WDR35: variants seen among roughly 807,000 people sequenced by gnomAD.
WDR35 encodes the protein WD repeat-containing protein 35.
In WDR35, 118 loss-of-function variants were observed where a neutral mutation model predicts 158.3. The ratio of observed to expected loss-of-function variants is 0.75; its 90% confidence interval spans 0.64 to 0.87. The LOEUF (loss-of-function observed/expected upper bound fraction) is 0.87, where lower values mean the gene tolerates loss of function less well. WDR35 is among the 40% of genes least tolerant of loss of function. The pLI is 0.00. For synonymous variants in WDR35, 448 were observed against 476.1 expected, an observed-to-expected ratio of 0.94 and a Z score of 0.77; for missense variants, 1,263 against 1,405.8, an observed-to-expected ratio of 0.90 and a Z score of 1.62.
At chr2:19,969,696 T>C (rs1572357485) in intron 8 of WDR35, 91 bp from the exon 9 acceptor site, 3 of 1,371,186 alleles carry the variant, frequency 2.2e-6, no homozygotes, top group Admixed American at 2.1e-5. Flanking sequence ...AAAAGTGGTA[T>C]GAACATTATT....
rs1373849893 is a variant in WDR35 at position 19,982,510 on chromosome 2, G to A, written c.167C>T (p.Ala56Val). The change falls in exon 3 of 27, where the codon GCA (alanine) becomes GTA (valine). Residue 56 changes from alanine to valine, a missense_variant. Transcript: ENST00000281405. ...QTDDAKLRGL[A>V]APSNLSMNQT... The stretch of plus-strand genomic sequence containing the variant: ...ATTCATAGAAAGGTTACTGGGGGCT[G>A]CAAGGCCCCTCAATTTTGCATCATC... 3.7e-6 allele frequency: 6 copies of A among 1,613,784 alleles called. No individual in the cohort carries two copies. The highest frequency in any genetic ancestry group is 1.3e-5 in the African/African-American group (1 of 75,036).
chr2:19,974,673 AAC>A (rs1198660968), intron 6 of WDR35, 40 bp from the exon 7 acceptor site: 2 of 1,572,092 alleles, frequency 1.3e-6, no homozygotes, highest in African/African-American at 2.7e-5. Flanking sequence ...TACATTTTAA[AAC>A]ACAGCAGTAT....
chr2:19,948,616 G>GTT (rs1476156225), intron 13 of WDR35, among the ~76,000 whole-genome samples: 1 of 152,178 alleles, frequency 6.6e-6, no homozygotes, highest in East Asian at 1.9e-4. Context: ...TTGAGGAAAT[G>GTT]TAAGAAGGCA....
intron 23 of WDR35, among the ~76,000 whole-genome samples, chr2:19,931,864 A>G (rs1369426083): frequency 6.6e-6 from 1 of 152,162 alleles, no homozygotes; most frequent in Non-Finnish European, 1.5e-5. Context: ...GGAATAGAAT[A>G]GAAGGTAAAA....
chr2:19,935,570 C>T lies in WDR35; in HGVS notation c.2448G>A (p.Arg816=). ...LNAVQYYVQG[R]NQERLAECYY... is the part of the protein sequence containing the mutation. The stretch of plus-strand genomic sequence containing the variant: ...AACATTCAGCTAAGCGTTCCTGGTT[C>T]CGTCCTTGTACATAATATTGTACAG... The change falls in exon 21 of 27, where the codon CGG becomes CGA. Residue 816 remains arginine, a synonymous_variant. Transcript: ENST00000281405. The T allele has an allele frequency of 6.2e-7, 1 of 1,612,916 alleles. No homozygotes were observed. Among genetic ancestry groups the T allele is most frequent in the South Asian group, 1.1e-5 (1 of 91,034 alleles).
intron 10 of WDR35, among the ~76,000 whole-genome samples, chr2:19,962,705 G>A (rs544899822): frequency 6.6e-5 from 10 of 150,588 alleles, no homozygotes; most frequent in East Asian, 5.8e-4. Context: ...GATAACATAC[G>A]TCTACTATTA....
intron 1 of WDR35, 139 bp downstream of exon 1, chr2:19,989,853 C>T: frequency 4.2e-6 from 6 of 1,421,856 alleles, no homozygotes; most frequent in Non-Finnish European, 5.8e-6. Flanking sequence ...GAGGCTGGAC[C>T]CGGCGGGAAG....
At chr2:19,969,305 A>G (rs1671959349) in intron 9 of WDR35, among the ~76,000 whole-genome samples, 175 bp downstream of exon 9, 1 of 152,166 alleles carries the variant, frequency 6.6e-6, no homozygotes, top group Admixed American at 6.6e-5. Context: ...TCATGGAGTA[A>G]TTTTACTAAC....
chr2:19,943,783 T>C (rs1452143433), intron 16 of WDR35, among the ~76,000 whole-genome samples: 1 of 152,082 alleles, frequency 6.6e-6, no homozygotes, highest in Non-Finnish European at 1.5e-5. Flanking sequence ...AAGCAGGGAA[T>C]ATCAACATTA....
At chr2:19,960,459 C>T in intron 11 of WDR35, 95 bp downstream of exon 11, 1 of 1,011,210 alleles carries the variant, frequency 9.9e-7, no homozygotes, top group Middle Eastern at 2.3e-4. Context: ...TTTTAGAAAA[C>T]ACCATTCTAA....
chr2:19,927,676 G>A lies in WDR35; in HGVS notation c.3121+2720C>T, dbSNP rs182716801. Among the ~76,000 whole-genome samples the A allele has an allele frequency of 3.2e-4, 49 of 152,208 alleles. 1 individual carries two copies. In the Middle Eastern group the frequency reaches 0.01, roughly 32 times the overall value. On this transcript the variant is annotated intron_variant, in intron 25 of 26. Coordinates refer to ENST00000281405, the MANE Select transcript of WDR35 (RefSeq NM_020779.4). The stretch of plus-strand genomic sequence containing the variant: ...AAAATTTGGGAAAGAATAAAAAAGC[G>A]TCTAGAAGGACACTCTACAAACTTG...
At chr2:19,951,175 T>C (rs1458948336) in intron 13 of WDR35, among the ~76,000 whole-genome samples, 1 of 152,158 alleles carries the variant, frequency 6.6e-6, no homozygotes, top group African/African-American at 2.4e-5. Context: ...TTTCCAACAT[T>C]TTTAGATAAT....
At chr2:19,982,317 G>T in intron 3 of WDR35, 146 bp downstream of exon 3, 1 of 795,962 alleles carries the variant, frequency 1.3e-6, no homozygotes, top group Non-Finnish European at 2.1e-6. Flanking sequence ...TGGGTTTATT[G>T]GAACATATCC....
chr2:19,975,728 T>C, intron 5 of WDR35, 65 bp from the exon 6 acceptor site: 3 of 1,604,352 alleles, frequency 1.9e-6, no homozygotes, highest in African/African-American at 2.7e-5. Context: ...TTTCGAAATC[T>C]TTGTTTTTCT....
At chr2:19,953,208 C>T (rs947756676) in intron 12 of WDR35, among the ~76,000 whole-genome samples, 3 of 152,178 alleles carry the variant, frequency 2.0e-5, no homozygotes, top group African/African-American at 7.2e-5. Flanking sequence ...ATATAACTTA[C>T]AAAACACAGT....
chr2:19,958,587 AT>A (rs1257096428), intron 11 of WDR35, among the ~76,000 whole-genome samples: 1 of 152,226 alleles, frequency 6.6e-6, no homozygotes, highest in East Asian at 1.9e-4. Flanking sequence ...ATGAATCATC[AT>A]TTTTTATTTA....
chr2:19,972,706 G>C (rs1043194548), intron 8 of WDR35, among the ~76,000 whole-genome samples: 6 of 151,762 alleles, frequency 4.0e-5, no homozygotes, highest in Admixed American at 1.3e-4. Context: ...TGCCCTAAAA[G>C]AAATTATTAA....
chr2:19,938,492 C>T, intron 17 of WDR35, 91 bp from the exon 18 acceptor site: 1 of 1,385,172 alleles, frequency 7.2e-7, no homozygotes, highest in East Asian at 2.7e-5. Flanking sequence ...CAAAACAAAA[C>T]AAGAAAAAAA....
intron 8 of WDR35, among the ~76,000 whole-genome samples, chr2:19,970,972 T>C (rs1334897826): frequency 2.0e-5 from 3 of 152,210 alleles, no homozygotes; most frequent in Non-Finnish European, 4.4e-5. Flanking sequence ...TTTCCATTAA[T>C]AGATTATTTG....
Sources: gnomAD v4.1 joint callset for allele counts (sites outside exome capture counted in the v4.1 genomes callset) on GRCh38, gnomAD v4.1.1 for gene constraint, MANE v1.5 for transcripts, NCBI Gene and HGNC (gene_info 2026-07-23, HGNC 2026-07-21) for gene names.